The following MLLT3 variants were observed in gnomAD, a reference collection of about 807,000 sequenced individuals.
MLLT3 encodes protein AF-9.
MLLT3 carries 4 observed loss-of-function variants against 53.2 expected under a neutral mutation model. The ratio of observed to expected loss-of-function variants is 0.08; its 90% CI spans 0.04 to 0.17. The LOEUF is 0.17. MLLT3 is among the 10% of genes least tolerant of loss of function. The pLI, the probability that MLLT3 is intolerant of heterozygous loss-of-function variation, is 1.00. For synonymous variants in MLLT3, 283 were observed against 230.6 expected (o/e 1.23, Z -2.06); for missense variants, 569 against 684.0 (o/e 0.83, Z 1.87).
intron 2 of MLLT3, among the ~76,000 whole-genome samples, chr9:20,582,965 C>A (rs563041123): frequency 2.0e-5 from 3 of 152,222 alleles, no homozygotes; most frequent in South Asian, 4.1e-4. Flanking sequence ...CCAATACTCC[C>A]CCAAAGTCTT....
intron 4 of MLLT3, among the ~76,000 whole-genome samples, chr9:20,431,907 A>G (rs563476016): frequency 1.3e-5 from 2 of 152,188 alleles, no homozygotes; most frequent in Non-Finnish European, 2.9e-5. Flanking sequence ...CATAACAATA[A>G]AAAATAAGCA....
At chr9:20,354,228 G>T (rs912774330) in intron 9 of MLLT3, among the ~76,000 whole-genome samples, 5 of 152,246 alleles carry the variant, frequency 3.3e-5, no homozygotes, top group Admixed American at 3.3e-4. Flanking sequence ...TCCCCTGAAA[G>T]GGGAGAGGGG....
At chr9:20,501,820 C>T (rs1411282123) in intron 2 of MLLT3, among the ~76,000 whole-genome samples, 1 of 146,120 alleles carries the variant, frequency 6.8e-6, no homozygotes, top group African/African-American at 2.5e-5. Context: ...GTGGCTCAGA[C>T]CTGTAATCCC....
rs566535320 is a variant in MLLT3 at position 20,428,109 on chromosome 9, G to A, written c.421-13684C>T. On this transcript the variant is annotated intron_variant, in intron 4 of 10. Coordinates refer to ENST00000380338, the MANE Select transcript of MLLT3 (RefSeq NM_004529.4). ...AAATCATGACTTTTTCCCTCAGAAA[G>A]ATAGTTGCTAAACATCAGAAAAACC... 3.3e-5 allele frequency among the ~76,000 whole-genome samples: 5 copies of A among 152,032 alleles called. No individual in the cohort carries two copies. The South Asian group carries it at 1.0e-3, about 32-fold the overall frequency.
intron 2 of MLLT3, among the ~76,000 whole-genome samples, chr9:20,498,614 C>G (rs1825141426): frequency 6.6e-6 from 1 of 152,146 alleles, no homozygotes; most frequent in Non-Finnish European, 1.5e-5. Flanking sequence ...TTTCTTAAAA[C>G]ATTATGAGAT....
At chr9:20,579,605 T>G (rs1397974279) in intron 2 of MLLT3, among the ~76,000 whole-genome samples, 2 of 152,096 alleles carry the variant, frequency 1.3e-5, no homozygotes, top group African/African-American at 4.8e-5. Context: ...AAACAAGAAG[T>G]TGATGAGAGC....
At chr9:20,545,756 C>G (rs993674410) in intron 2 of MLLT3, among the ~76,000 whole-genome samples, 2 of 147,576 alleles carry the variant, frequency 1.4e-5, no homozygotes, top group African/African-American at 5.0e-5. Flanking sequence ...CAGTGGCTCA[C>G]ATGTGTAATC....
At chr9:20,516,432 A>C (rs1817921810) in intron 2 of MLLT3, among the ~76,000 whole-genome samples, 1 of 152,196 alleles carries the variant, frequency 6.6e-6, no homozygotes. Flanking sequence ...TCATTTCTTG[A>C]CTTACCTCCA....
At chr9:20,443,561 C>T (rs762368165) in intron 4 of MLLT3, among the ~76,000 whole-genome samples, 6 of 152,186 alleles carry the variant, frequency 3.9e-5, no homozygotes, top group Non-Finnish European at 5.9e-5. Context: ...GAAGAAACCA[C>T]GGGCTAATCT....
At chr9:20,376,904 G>T (rs1261594935) in intron 5 of MLLT3, among the ~76,000 whole-genome samples, 1 of 152,186 alleles carries the variant, frequency 6.6e-6, no homozygotes, top group East Asian at 1.9e-4. Flanking sequence ...ACCACTTACA[G>T]TCACACCACC....
intron 2 of MLLT3, among the ~76,000 whole-genome samples, chr9:20,586,982 A>G (rs563606371): frequency 1.3e-5 from 2 of 152,272 alleles, no homozygotes; most frequent in East Asian, 3.9e-4. Flanking sequence ...TAAGTAGAAG[A>G]TGTGATGAAT....
intron 10 of MLLT3, among the ~76,000 whole-genome samples, chr9:20,349,794 G>T (rs993520005): frequency 3.3e-5 from 5 of 152,154 alleles, no homozygotes; most frequent in African/African-American, 1.2e-4. Context: ...ACCATGTTGT[G>T]CCCGGCCTGC....
chr9:20,512,485 G>T (rs561890642), intron 2 of MLLT3, among the ~76,000 whole-genome samples: 1 of 152,272 alleles, frequency 6.6e-6, no homozygotes, highest in African/African-American at 2.4e-5. Context: ...AACTTTGGGG[G>T]AAGAGTCTAG....
chr9:20,346,203 CTTGGAGAGA>C lies in MLLT3; in HGVS notation c.*231_*239del. ...CAGGCTAACTCTTCCCGGGGATTTCCTTGGAGAGAAGAGTGGTCCGCTGAGGCTGGTTTG... is the reference window on the plus strand; with the variant it reads ...CAGGCTAACTCTTCCCGGGGATTTCCAGAGTGGTCCGCTGAGGCTGGTTTG... On this transcript the variant is annotated 3_prime_UTR_variant, in exon 11 of 11. Transcript: ENST00000380338. 2.5e-6 allele frequency: 1 copy of C among 393,940 alleles called. No individual in the cohort carries two copies. Among genetic ancestry groups the C allele is most frequent in the East Asian group, 4.1e-5 (1 of 24,362 alleles). 24.4% of individuals were successfully genotyped at this position (393,940 alleles called of 1,614,324 possible).
chr9:20,573,951 G>C (rs1254898127), intron 2 of MLLT3, among the ~76,000 whole-genome samples: 1 of 152,066 alleles, frequency 6.6e-6, no homozygotes, highest in Non-Finnish European at 1.5e-5. Flanking sequence ...TTCATTTTTT[G>C]GGTTTGAGAA....
chr9:20,440,968 G>A (rs1823533629), intron 4 of MLLT3, among the ~76,000 whole-genome samples: 1 of 152,088 alleles, frequency 6.6e-6, no homozygotes, highest in Admixed American at 6.6e-5. Flanking sequence ...CAGCTAAACT[G>A]CTACTTCGGG....
chr9:20,599,689 C>T (rs1435523038), intron 2 of MLLT3, among the ~76,000 whole-genome samples: 1 of 152,048 alleles, frequency 6.6e-6, no homozygotes, highest in East Asian at 1.9e-4. Context: ...CTTAGTTATG[C>T]CACTCTAAAA....
chr9:20,597,117 TC>T lies in MLLT3; in HGVS notation c.193+23536del, dbSNP rs78708133. 4.7e-4 allele frequency among the ~76,000 whole-genome samples: 72 copies of T among 152,140 alleles called. No homozygotes were observed. The East Asian group carries it at 0.012, about 25-fold the overall frequency. Reference sequence around the variant, plus strand: ...TCATTGCAAGTACGTAGAAATACTATCTTTTTATACTAATCTTGTATGCTAT... The same window carrying T: ...TCATTGCAAGTACGTAGAAATACTATTTTTTATACTAATCTTGTATGCTAT... On this transcript the variant is annotated intron_variant, in intron 2 of 10. Coordinates refer to ENST00000380338, the MANE Select transcript of MLLT3 (RefSeq NM_004529.4).
intron 2 of MLLT3, among the ~76,000 whole-genome samples, chr9:20,615,387 A>AAAAAAAAAAAAAAAAAAAAAC (rs1563845268): frequency 9.5e-6 from 1 of 105,510 alleles, no homozygotes; most frequent in African/African-American, 3.1e-5. Context: ...AAAAAAAAAA[A>AAAAAAAAAAAAAAAAAAAAAC]AAAAAAAAAG....
Sources: allele counts gnomAD v4.1 joint callset (sites outside exome capture counted in the v4.1 genomes callset), GRCh38; gene constraint gnomAD v4.1.1; transcripts MANE v1.5; gene names NCBI Gene and HGNC (gene_info 2026-07-23, HGNC 2026-07-21).